PTPRO: variants seen among roughly 807,000 people sequenced by gnomAD.
PTPRO encodes receptor-type tyrosine-protein phosphatase O.
PTPRO carries 62 observed loss-of-function variants against 145.2 expected under a neutral mutation model. The observed-to-expected ratio is 0.43, with a 90% CI of 0.35 to 0.53. The LOEUF (loss-of-function observed/expected upper bound fraction) is 0.53. Ranked by LOEUF, PTPRO falls within the 20% of genes least tolerant of loss-of-function variation. PTPRO has a pLI of 0.01. For missense variants in PTPRO, 1,345 were observed against 1,482.7 expected (o/e 0.91, Z 1.53); for synonymous variants, 565 against 514.7 (o/e 1.10, Z -1.32).
At chr12:15,459,344 G>C (rs921225039) in intron 1 of PTPRO, among the ~76,000 whole-genome samples, 10 of 152,224 alleles carry the variant, frequency 6.6e-5, no homozygotes, top group Middle Eastern at 3.4e-3. Flanking sequence ...AGTCTCATTT[G>C]CACTCTGAGA....
intron 1 of PTPRO, among the ~76,000 whole-genome samples, chr12:15,381,276 G>A (rs753179770): frequency 2.0e-5 from 3 of 152,062 alleles, no homozygotes; most frequent in Non-Finnish European, 2.9e-5. Flanking sequence ...TTTGAATGTG[G>A]GATAGATAGG....
chr12:15,375,850 T>C (rs1938671184), intron 1 of PTPRO, among the ~76,000 whole-genome samples: 1 of 149,236 alleles, frequency 6.7e-6, no homozygotes, highest in Admixed American at 6.6e-5. Flanking sequence ...TAAAACAGAA[T>C]ATTTGAGTTT....
At chr12:15,496,287 C>A (rs1278402500) in intron 2 of PTPRO, among the ~76,000 whole-genome samples, 9 of 151,454 alleles carry the variant, frequency 5.9e-5, no homozygotes, top group African/African-American at 1.7e-4. Flanking sequence ...GGATTACAGG[C>A]GTGTGTCACC....
chr12:15,536,077 CAG>C (rs1325536216), intron 12 of PTPRO, among the ~76,000 whole-genome samples: 2 of 152,152 alleles, frequency 1.3e-5, no homozygotes, highest in African/African-American at 2.4e-5. Flanking sequence ...TCCTGTGAAT[CAG>C]AGAATATTTA....
chr12:15,428,675 G>T (rs1331305691), intron 1 of PTPRO, among the ~76,000 whole-genome samples: 1 of 152,116 alleles, frequency 6.6e-6, no homozygotes, highest in East Asian at 1.9e-4. Flanking sequence ...TTTCAAATAA[G>T]ATAGAATTTA....
chr12:15,442,560 T>C (rs1940797779), intron 1 of PTPRO, among the ~76,000 whole-genome samples: 1 of 152,140 alleles, frequency 6.6e-6, no homozygotes, highest in Admixed American at 6.5e-5. Flanking sequence ...ACTATCTCTC[T>C]TCATGGACAA....
At chr12:15,489,402 T>A (rs1395714356) in intron 2 of PTPRO, among the ~76,000 whole-genome samples, 1 of 152,230 alleles carries the variant, frequency 6.6e-6, no homozygotes, top group African/African-American at 2.4e-5. Context: ...TTTTTATGTT[T>A]ATCTATTGAT....
intron 1 of PTPRO, among the ~76,000 whole-genome samples, chr12:15,388,509 A>C (rs1939093692): frequency 6.6e-6 from 1 of 152,228 alleles, no homozygotes; most frequent in Non-Finnish European, 1.5e-5. Context: ...CAAGAGAATA[A>C]TGAAACACCT....
intron 17 of PTPRO, among the ~76,000 whole-genome samples, chr12:15,561,779 C>T (rs1943778664): frequency 6.6e-6 from 1 of 152,094 alleles, no homozygotes; most frequent in Non-Finnish European, 1.5e-5. Flanking sequence ...TAAAGTATCC[C>T]AGATTGCAAA....
intron 1 of PTPRO, among the ~76,000 whole-genome samples, chr12:15,455,040 T>C (rs1376451308): frequency 6.6e-6 from 1 of 152,212 alleles, no homozygotes; most frequent in African/African-American, 2.4e-5. Context: ...TCAAGATTGC[T>C]TTGGCTATTC....
At chr12:15,552,755 A>G (rs999567755) in intron 15 of PTPRO, among the ~76,000 whole-genome samples, 7 of 150,322 alleles carry the variant, frequency 4.7e-5, no homozygotes, top group Admixed American at 6.6e-5. Flanking sequence ...CACTGTAACT[A>G]CAGTGGAGAG....
chr12:15,322,702 C>T lies in PTPRO; in HGVS notation c.-25C>T, dbSNP rs1866329770. ...GGGGGAGTCCGCTAGCGCAGCCGTG[C>T]CCCCGAGTCCCCGTCCGCGCAGCGA... On this transcript the variant is annotated 5_prime_UTR_variant, in exon 1 of 27. Transcript: ENST00000281171. This position sits in a 1 kb window ranked among gnomAD's most constrained non-coding sequence, Gnocchi z 6.3. 3 of 1,598,112 alleles carry T rather than the reference C, an allele frequency of 1.9e-6. No homozygotes were observed. The highest frequency in any genetic ancestry group is 2.6e-6 in the Non-Finnish European group (3 of 1,170,038).
intron 1 of PTPRO, among the ~76,000 whole-genome samples, chr12:15,401,313 C>T (rs1208596264): frequency 6.6e-6 from 1 of 152,158 alleles, no homozygotes; most frequent in Admixed American, 6.5e-5. Flanking sequence ...TCCCCATATG[C>T]AACTATAAGT....
chr12:15,413,448 T>C (rs1183279732), intron 1 of PTPRO, among the ~76,000 whole-genome samples: 1 of 152,204 alleles, frequency 6.6e-6, no homozygotes, highest in African/African-American at 2.4e-5. Flanking sequence ...TGAATGATTA[T>C]ATGCTTTAAA....
chr12:15,594,822 A>G, intron 25 of PTPRO, 115 bp from the exon 26 acceptor site: 1 of 740,290 alleles, frequency 1.4e-6, no homozygotes, highest in East Asian at 2.7e-5. Flanking sequence ...GTCTCTGTAA[A>G]TAATGAAAAT....
At chr12:15,419,096 G>A (rs556759275) in intron 1 of PTPRO, among the ~76,000 whole-genome samples, 1 of 151,686 alleles carries the variant, frequency 6.6e-6, no homozygotes, top group East Asian at 1.9e-4. Context: ...GTGCGATTTG[G>A]AAAGAACAAA....
At chr12:15,358,057 T>TA (rs1165095854) in intron 1 of PTPRO, among the ~76,000 whole-genome samples, 1 of 151,584 alleles carries the variant, frequency 6.6e-6, no homozygotes, top group African/African-American at 2.4e-5. Context: ...TATGCTGGCA[T>TA]AAAAAATGAT....
chr12:15,415,231 C>G (rs181821226), intron 1 of PTPRO, among the ~76,000 whole-genome samples: 224 of 152,178 alleles, frequency 1.5e-3, no homozygotes, highest in Non-Finnish European at 2.4e-3. Context: ...TACCTCCCCC[C>G]CAAAAAAAGA....
chr12:15,536,011 C>T (rs1465334763), intron 12 of PTPRO, among the ~76,000 whole-genome samples: 1 of 151,998 alleles, frequency 6.6e-6, no homozygotes, highest in African/African-American at 2.4e-5. Context: ...TGCCAGTCAG[C>T]TAGAAAGAAG....
Sources: allele counts gnomAD v4.1 joint callset (sites outside exome capture counted in the v4.1 genomes callset), GRCh38; gene constraint gnomAD v4.1.1; non-coding constraint Gnocchi (gnomAD v3.1); transcripts MANE v1.5; gene names NCBI Gene and HGNC (gene_info 2026-07-23, HGNC 2026-07-21).